DGKI: variants seen among roughly 807,000 people sequenced by gnomAD.
DGKI encodes the protein DAG kinase iota.
In DGKI, 55 loss-of-function variants were observed where a neutral mutation model predicts 147.5. The ratio of observed to expected loss-of-function variants is 0.37; its 90% CI spans 0.30 to 0.47. The LOEUF (loss-of-function observed/expected upper bound fraction) is 0.47. Ranked by LOEUF, DGKI falls within the 20% of genes least tolerant of loss-of-function variation. The pLI is 1.00. For missense variants in DGKI, 1,007 were observed against 1,323.8 expected (o/e 0.76, Z 3.71); for synonymous variants, 469 against 477.1 (o/e 0.98, Z 0.22).
At chr7:137,577,406 T>C in intron 16 of DGKI, 122 bp from the exon 17 acceptor site, 2 of 706,548 alleles carry the variant, frequency 2.8e-6, no homozygotes, top group Non-Finnish European at 2.4e-6. Flanking sequence ...ATGTTCTCTT[T>C]CTGCAGAATC....
At chr7:137,648,860 A>G in intron 5 of DGKI, among the ~76,000 whole-genome samples, 1 of 152,330 alleles carries the variant, frequency 6.6e-6, no homozygotes, top group Non-Finnish European at 1.5e-5. Flanking sequence ...TTTAAAAATT[A>G]TTATTTAAAT....
chr7:137,579,307 C>T (rs901238163), intron 15 of DGKI, among the ~76,000 whole-genome samples: 4 of 151,782 alleles, frequency 2.6e-5, no homozygotes, highest in African/African-American at 9.7e-5. Context: ...TATCTACTGA[C>T]AAAATAAGTA....
Position 137,384,357 on chromosome 7 carries a change from C to T in DGKI, c.*6863G>A, listed in dbSNP as rs758122838. 4 of 151,830 alleles carry T rather than the reference C, an allele frequency of 2.6e-5. No homozygotes were observed. Among genetic ancestry groups the T allele is most frequent in the African/African-American group, 4.8e-5 (2 of 41,360 alleles). The allele number at this position is 151,830 out of a possible 1,614,324, so 9.4% of individuals were successfully genotyped here. ...CTCTGACTTTTTGATTTCACATTCT[C>T]CCTTATTTCTAACTCATTCTTTCCG... On this transcript the variant is annotated 3_prime_UTR_variant, in exon 33 of 33. Coordinates refer to ENST00000614521, the MANE Select transcript of DGKI (RefSeq NM_001321708.2).
intron 28 of DGKI, among the ~76,000 whole-genome samples, chr7:137,413,819 G>A (rs1163666730): frequency 2.0e-5 from 3 of 152,082 alleles, no homozygotes; most frequent in African/African-American, 4.8e-5. Flanking sequence ...TTGCTGGGTC[G>A]AATGGTAGTT....
At chr7:137,408,956 T>C (rs888631438) in intron 29 of DGKI, among the ~76,000 whole-genome samples, 2 of 152,214 alleles carry the variant, frequency 1.3e-5, no homozygotes, top group African/African-American at 4.8e-5. Flanking sequence ...AGAAGTTAGA[T>C]GGCACACATT....
chr7:137,476,607 T>C (rs1170140788), intron 23 of DGKI, among the ~76,000 whole-genome samples: 7 of 152,240 alleles, frequency 4.6e-5, no homozygotes, highest in Admixed American at 3.9e-4. Flanking sequence ...GGCTACAGTC[T>C]CAATAATAGC....
At chr7:137,489,566 A>G (rs1266949223) in intron 21 of DGKI, among the ~76,000 whole-genome samples, 1 of 152,178 alleles carries the variant, frequency 6.6e-6, no homozygotes, top group African/African-American at 2.4e-5. Flanking sequence ...TAGACCTACT[A>G]TAAAGATGGA....
At chr7:137,708,207 G>A (rs953208271) in intron 1 of DGKI, among the ~76,000 whole-genome samples, 1 of 152,178 alleles carries the variant, frequency 6.6e-6, no homozygotes, top group Non-Finnish European at 1.5e-5. Flanking sequence ...TAAAATACCT[G>A]TAGTGTCTTC....
chr7:137,616,369 A>T (rs1434005161), intron 8 of DGKI, among the ~76,000 whole-genome samples: 1 of 152,222 alleles, frequency 6.6e-6, no homozygotes, highest in Non-Finnish European at 1.5e-5. Flanking sequence ...TATTATTACT[A>T]CATTGTCCTG....
intron 1 of DGKI, among the ~76,000 whole-genome samples, chr7:137,695,695 G>A (rs1433005772): frequency 6.6e-6 from 1 of 152,162 alleles, no homozygotes; most frequent in African/African-American, 2.4e-5. Flanking sequence ...AATGCTGACA[G>A]TACACATATA....
chr7:137,750,073 A>C (rs75334715), intron 1 of DGKI, among the ~76,000 whole-genome samples: 1,885 of 152,316 alleles, frequency 0.012, 52 homozygotes, highest in African/African-American at 0.042. Flanking sequence ...GTAAGAGGCA[A>C]CTGGACAAAA....
chr7:137,747,322 T>C (rs1290047221), intron 1 of DGKI, among the ~76,000 whole-genome samples: 1 of 152,168 alleles, frequency 6.6e-6, no homozygotes, highest in Non-Finnish European at 1.5e-5. Context: ...AGAAGTAATA[T>C]GTAATGTGTA....
intron 2 of DGKI, among the ~76,000 whole-genome samples, chr7:137,687,742 C>G (rs982353359): frequency 2.0e-5 from 3 of 152,172 alleles, no homozygotes; most frequent in Admixed American, 1.3e-4. Context: ...TAACTCCTTA[C>G]ACATCAGATC....
rs140986374 is a variant in DGKI at position 137,392,513 on chromosome 7, G to A, written c.3058-1177C>T. On this transcript the variant is annotated intron_variant, in intron 32 of 32. Transcript: ENST00000614521. Reference sequence around the variant, plus strand: ...TCAGAGACTTCTCAGCTTTCATCTCGGCTATCCCAACAGATACTGGCGACC... The same window carrying A: ...TCAGAGACTTCTCAGCTTTCATCTCAGCTATCCCAACAGATACTGGCGACC... Among the ~76,000 whole-genome samples, 14 of 152,158 alleles carry A rather than the reference G, an allele frequency of 9.2e-5. 1 individual carries two copies. The East Asian group carries it at 2.3e-3, about 25-fold the overall frequency.
At chr7:137,523,118 A>G (rs6963894) in intron 20 of DGKI, among the ~76,000 whole-genome samples, 13,997 of 152,118 alleles carry the variant, frequency 0.092, 1,394 homozygotes, top group African/African-American at 0.24. Context: ...AGGGAGGGAA[A>G]GAAGGAAAAC....
chr7:137,451,631 C>T (rs1168901046), intron 27 of DGKI, among the ~76,000 whole-genome samples: 1 of 152,100 alleles, frequency 6.6e-6, no homozygotes, highest in Non-Finnish European at 1.5e-5. Context: ...GATGTTTTAT[C>T]GTTTTTAGTC....
intron 28 of DGKI, among the ~76,000 whole-genome samples, chr7:137,424,773 A>G (rs10229608): frequency 0.41 from 61,886 of 152,066 alleles, 13,148 homozygotes; most frequent in East Asian, 0.74. Flanking sequence ...CGCCCACGGA[A>G]TCTCGCTGAT....
chr7:137,439,373 G>A (rs1397634823), intron 28 of DGKI, among the ~76,000 whole-genome samples: 1 of 152,186 alleles, frequency 6.6e-6, no homozygotes, highest in Non-Finnish European at 1.5e-5. Context: ...TGGACTCACA[G>A]TTCCATATGG....
chr7:137,747,129 C>T (rs759374553), intron 1 of DGKI, among the ~76,000 whole-genome samples: 3 of 151,854 alleles, frequency 2.0e-5, no homozygotes, highest in East Asian at 1.9e-4. Flanking sequence ...TAATCACAAG[C>T]GGGTAGGGGA....
Sources: gnomAD v4.1 joint callset for allele counts (sites outside exome capture counted in the v4.1 genomes callset) on GRCh38, gnomAD v4.1.1 for gene constraint, MANE v1.5 for transcripts, NCBI Gene and HGNC (gene_info 2026-07-23, HGNC 2026-07-21) for gene names.